The following PRR14L variants were observed in gnomAD, a reference collection of about 807,000 sequenced individuals.
PRR14L encodes the protein protein PRR14L.
Under a neutral mutation model 155.0 loss-of-function variants are expected in PRR14L, and 80 were observed. The observed-to-expected ratio is 0.52, with a 90% confidence interval of 0.43 to 0.62. The LOEUF (loss-of-function observed/expected upper bound fraction) is 0.62, where lower values mean the gene tolerates loss of function less well. PRR14L is among the 20% of genes least tolerant of loss of function. PRR14L has a pLI of 0.00. For synonymous variants in PRR14L, 883 were observed against 916.0 expected, an observed-to-expected ratio of 0.96 and a Z score of 0.65; for missense variants, 2,469 against 2,548.0, an observed-to-expected ratio of 0.97 and a Z score of 0.67.
At chr22:31,706,423 T>G (rs2074592114) in intron 4 of PRR14L, among the ~76,000 whole-genome samples, 1 of 145,634 alleles carries the variant, frequency 6.9e-6, no homozygotes, top group Admixed American at 6.9e-5. Context: ...ATAATTAAAC[T>G]CTTCCTTTTT....
At chr22:31,711,443 C>T (rs924007765) in intron 4 of PRR14L, among the ~76,000 whole-genome samples, 4 of 151,876 alleles carry the variant, frequency 2.6e-5, no homozygotes, top group African/African-American at 4.8e-5. Flanking sequence ...TGCATTCCAG[C>T]GTGGGTGACA....
chr22:31,715,693 T>C lies in PRR14L; in HGVS notation c.2146A>G (p.Ile716Val), dbSNP rs1057287250. ...CAGGTTTGGTTACCTGGTGGAGAGA[T>C]GTCTTTTATTTTTGTCTGAATGGGA... The part of the protein sequence containing the change: ...TIPIQTKIKD[I>V]SPPGNQTCGA... Residue 716 changes from isoleucine to valine, a missense_variant, in exon 4 of 9, where the codon ATC (isoleucine) becomes GTC (valine). Physicochemically the swap from Ile to Val is conservative, Grantham distance 29. Around this residue, in one of 2 missense-constraint regions of PRR14L, gnomAD observed 2,363 missense variants for 2,371.6 expected, o/e 1.00. Coordinates refer to ENST00000327423, the MANE Select transcript of PRR14L (RefSeq NM_173566.3). The C allele has an allele frequency of 1.5e-5, 23 of 1,552,162 alleles. No homozygotes were observed. In the African/African-American group the frequency reaches 2.3e-4, roughly 16 times the overall value.
At chr22:31,721,620 G>C (rs942825303) in intron 3 of PRR14L, among the ~76,000 whole-genome samples, 2 of 151,094 alleles carry the variant, frequency 1.3e-5, no homozygotes, top group Non-Finnish European at 2.9e-5. Flanking sequence ...GCAGCAGCAA[G>C]CAGCAGACAT....
At chr22:31,744,429 G>A (rs948342394) in intron 1 of PRR14L, among the ~76,000 whole-genome samples, 1 of 151,964 alleles carries the variant, frequency 6.6e-6, no homozygotes, top group African/African-American at 2.4e-5. Flanking sequence ...CACTATGCCC[G>A]GCCTACTTTT....
At chr22:31,700,564 CT>C (rs905464039) in intron 7 of PRR14L, among the ~76,000 whole-genome samples, 1 of 151,620 alleles carries the variant, frequency 6.6e-6, no homozygotes, top group Non-Finnish European at 1.5e-5. Context: ...GTACAGAAAT[CT>C]TTTTTTTTGA....
At position 31,716,278 on chromosome 22, in the gene PRR14L, C is replaced by T. The variant is rs756805699; in HGVS notation, c.1561G>A (p.Ala521Thr). 170 of 1,551,518 alleles carry T rather than the reference C, an allele frequency of 1.1e-4. No individual in the cohort carries two copies. The highest frequency in any genetic ancestry group is 1.4e-4 in the Non-Finnish European group (164 of 1,146,962). Residue 521 changes from alanine to threonine, a missense_variant, in exon 4 of 9, where the codon GCA becomes ACA. Ala to Thr is a moderately conservative substitution (Grantham distance 58). Transcript: ENST00000327423. Reference protein sequence around the residue: ...SFSSLMQIEEAGQTTPVEPNI... With the variant: ...SFSSLMQIEETGQTTPVEPNI... Reference sequence around the variant, plus strand: ...GGCTCTACAGGGGTTGTCTGTCCTGCCTCTTCAATCTGCATCAAGGAGGAA... The same window carrying T: ...GGCTCTACAGGGGTTGTCTGTCCTGTCTCTTCAATCTGCATCAAGGAGGAA...
At chr22:31,703,400 C>A (rs148066016) in intron 6 of PRR14L, 150 bp downstream of exon 6, 1 of 636,070 alleles carries the variant, frequency 1.6e-6, no homozygotes, top group African/African-American at 1.9e-5. Flanking sequence ...GAGAAAAACT[C>A]CTGGCTTAGT....
intron 7 of PRR14L, among the ~76,000 whole-genome samples, chr22:31,689,153 T>C (rs986136105): frequency 2.4e-4 from 37 of 152,348 alleles, no homozygotes; most frequent in African/African-American, 8.2e-4. Flanking sequence ...TATTATTCTT[T>C]TGAGTCTCAT....
intron 3 of PRR14L, among the ~76,000 whole-genome samples, chr22:31,724,033 A>G (rs1427411468): frequency 6.6e-6 from 1 of 152,184 alleles, no homozygotes; most frequent in Non-Finnish European, 1.5e-5. Flanking sequence ...CACTAGCATT[A>G]TATTCTCATA....
At position 31,704,620 on chromosome 22, in the gene PRR14L, C is replaced by T. The variant is rs1245048695; in HGVS notation, c.5828+35G>A. On this transcript the variant is annotated intron_variant, in intron 5 of 8. Coordinates refer to ENST00000327423, the MANE Select transcript of PRR14L (RefSeq NM_173566.3). The stretch of plus-strand genomic sequence containing the variant: ...TCTCTCTCTTGCACACACACACGCA[C>T]ACGCGCACACACACGCTGAGTCTCA... 4 of 1,572,878 alleles carry T rather than the reference C, an allele frequency of 2.5e-6. No homozygotes were observed. The African/African-American group carries it at 4.0e-5, about 16-fold the overall frequency.
chr22:31,710,740 C>T (rs570746798), intron 4 of PRR14L, among the ~76,000 whole-genome samples: 4 of 152,262 alleles, frequency 2.6e-5, no homozygotes, highest in Non-Finnish European at 5.9e-5. Flanking sequence ...AGGTGTAAGC[C>T]ACCATACCTG....
rs1427776292 is a variant in PRR14L, at chr22:31,684,156, C to T, written c.*1371G>A. The T allele has an allele frequency of 6.6e-6, 1 of 152,392 alleles. No individual in the cohort carries two copies. The highest frequency in any genetic ancestry group is 1.5e-5 in the Non-Finnish European group (1 of 68,090). 9.4% of individuals were successfully genotyped at this position (152,392 alleles called of 1,614,324 possible). ...CTTCAGTGGAAAAGGAACAAGACCT[C>T]GAGGCTGCTGACCCACAGCATCCCT... is the stretch of plus-strand genomic sequence containing the variant. On this transcript the variant is annotated 3_prime_UTR_variant, in exon 9 of 9. Transcript: ENST00000327423.
In PRR14L at chr22:31,725,825, C is replaced by T. The variant is rs569021154; in HGVS notation, c.475-215G>A. Among the ~76,000 whole-genome samples the T allele has an allele frequency of 9.2e-5, 14 of 151,950 alleles. No homozygotes were observed. The South Asian group carries it at 2.3e-3, about 25-fold the overall frequency. ...CTGGGATTACATGCACCCACTACTACGCCTGGCTAATTTTTGTATTTCTAC... is the reference window on the plus strand; with the variant it reads ...CTGGGATTACATGCACCCACTACTATGCCTGGCTAATTTTTGTATTTCTAC... On this transcript the variant is annotated intron_variant, in intron 2 of 8. Transcript: ENST00000327423.
intron 7 of PRR14L, among the ~76,000 whole-genome samples, chr22:31,688,893 T>TACACACACAC (rs1467699733): frequency 7.2e-6 from 1 of 138,378 alleles, no homozygotes; most frequent in African/African-American, 2.9e-5. Context: ...TCTTAAAAAA[T>TACACACACAC]ATATACATAC....
At chr22:31,702,554 C>T (rs552667056) in intron 6 of PRR14L, among the ~76,000 whole-genome samples, 4 of 151,762 alleles carry the variant, frequency 2.6e-5, no homozygotes, top group African/African-American at 7.2e-5. Context: ...CTCACTCTGC[C>T]GCCCAGGCTG....
chr22:31,737,875 T>A (rs1449349844), intron 2 of PRR14L, among the ~76,000 whole-genome samples: 1 of 151,904 alleles, frequency 6.6e-6, no homozygotes, highest in Non-Finnish European at 1.5e-5. Context: ...ATTAGTTGGG[T>A]ATGGTGGCTT....
At chr22:31,729,068 C>T (rs2074733898) in intron 2 of PRR14L, among the ~76,000 whole-genome samples, 1 of 152,194 alleles carries the variant, frequency 6.6e-6, no homozygotes, top group African/African-American at 2.4e-5. Flanking sequence ...CTTCCTCCTA[C>T]AAGAGTGGAG....
rs2074632913 is a variant in PRR14L at position 31,713,096 on chromosome 22, T to C, written c.4743A>G (p.Ala1581=). 6.4e-7 allele frequency: 1 copy of C among 1,552,310 alleles called. No individual in the cohort carries two copies. The highest frequency in any genetic ancestry group is 8.7e-7 in the Non-Finnish European group (1 of 1,147,130). The change falls in exon 4 of 9, where the codon GCA becomes GCG. Residue 1581 remains alanine, a synonymous_variant. Transcript: ENST00000327423. Reference sequence around the variant, plus strand: ...TGTGACTAACCAAGCTCTTGGTAGGTGCTGTTTCAGGTTCTAATCGTGTAG... The same window carrying C: ...TGTGACTAACCAAGCTCTTGGTAGGCGCTGTTTCAGGTTCTAATCGTGTAG... ...SAPTRLEPET[A]PTKSLVSHIP...
chr22:31,719,222 G>C (rs956768268), intron 3 of PRR14L, among the ~76,000 whole-genome samples: 1 of 151,266 alleles, frequency 6.6e-6, no homozygotes, highest in African/African-American at 2.4e-5. Flanking sequence ...GGCAACACAA[G>C]GAGACTCTGT....
Sources: gnomAD v4.1 joint callset for allele counts (sites outside exome capture counted in the v4.1 genomes callset) on GRCh38, gnomAD v4.1.1 for gene constraint, gnomAD v4.1.1 regional missense constraint, MANE v1.5 for transcripts, NCBI Gene and HGNC (gene_info 2026-07-23, HGNC 2026-07-21) for gene names.